Variants in PHACTR1 observed in about 807,000 individuals in gnomAD.
PHACTR1 encodes RPEL repeat containing 1.
A neutral mutation model predicts 69.2 loss-of-function variants in PHACTR1; 16 were observed. The observed-to-expected ratio is 0.23, with a 90% CI of 0.16 to 0.35. The LOEUF (loss-of-function observed/expected upper bound fraction) is 0.35. Ranked by LOEUF, PHACTR1 falls within the 10% of genes least tolerant of loss-of-function variation. The pLI is 1.00. For missense variants in PHACTR1, 510 were observed against 734.7 expected, an observed-to-expected ratio of 0.69 and a Z score of 3.54; for synonymous variants, 312 against 284.5, an observed-to-expected ratio of 1.10 and a Z score of -0.97.
chr6:12,983,306 G>C (rs911880724), intron 4 of PHACTR1, among the ~76,000 whole-genome samples: 3 of 152,174 alleles, frequency 2.0e-5, no homozygotes, highest in African/African-American at 7.2e-5. Context: ...AGCAAAATCT[G>C]ATTGTAATTT....
At chr6:12,878,181 G>A (rs1442583527) in intron 4 of PHACTR1, among the ~76,000 whole-genome samples, 2 of 152,210 alleles carry the variant, frequency 1.3e-5, no homozygotes, top group African/African-American at 4.8e-5. Flanking sequence ...AAACATTAGA[G>A]CAGCCAAGAA....
At chr6:13,025,671 T>TTGTGTGTGTGTGTGTGTGTG (rs60800778) in intron 4 of PHACTR1, among the ~76,000 whole-genome samples, 9 of 140,316 alleles carry the variant, frequency 6.4e-5, no homozygotes, top group African/African-American at 2.4e-4. Flanking sequence ...CATATATTAT[T>TTGTGTGTGTGTGTGTGTGTG]TGTGTGTGTG....
chr6:12,731,976 C>CT lies in PHACTR1; in HGVS notation c.103+13144dup, dbSNP rs70987093. Among the ~76,000 whole-genome samples the CT allele has an allele frequency of 4.6e-3, 649 of 141,890 alleles. 7 individuals carry two copies. Among genetic ancestry groups the CT allele is most frequent in the African/African-American group, 0.012 (475 of 38,846 alleles). The allele number at this position is 141,890 out of a possible 152,430, so 93.1% of individuals were successfully genotyped here. On this transcript the variant is annotated intron_variant, in intron 3 of 14. Transcript: ENST00000332995. ...TCAACTTCTTAAAGGAAAGTTTTAC[C>CT]TTTTTTTTTTTTTTTATTTGGGAAA...
intron 5 of PHACTR1, among the ~76,000 whole-genome samples, chr6:13,138,505 T>C (rs1313371427): frequency 6.6e-6 from 1 of 152,258 alleles, no homozygotes; most frequent in Non-Finnish European, 1.5e-5. Flanking sequence ...CCTAGGGACA[T>C]GGCTTTGAGC....
intron 4 of PHACTR1, among the ~76,000 whole-genome samples, chr6:12,918,468 C>A (rs1787261542): frequency 6.6e-6 from 1 of 152,214 alleles, no homozygotes; most frequent in Non-Finnish European, 1.5e-5. Flanking sequence ...CACACATTGG[C>A]AGCGCATTTA....
chr6:13,085,474 T>C (rs1812122311), intron 5 of PHACTR1, among the ~76,000 whole-genome samples: 1 of 152,106 alleles, frequency 6.6e-6, no homozygotes, highest in Admixed American at 6.6e-5. Context: ...ATCAAATATA[T>C]TTTCAGGCAA....
chr6:12,786,219 C>T (rs1771526952), intron 4 of PHACTR1, among the ~76,000 whole-genome samples: 1 of 152,132 alleles, frequency 6.6e-6, no homozygotes, highest in South Asian at 2.1e-4. Flanking sequence ...GTTTCTCATG[C>T]TACTCATGAA....
chr6:12,878,202 G>A (rs556483684), intron 4 of PHACTR1, among the ~76,000 whole-genome samples: 3 of 152,158 alleles, frequency 2.0e-5, no homozygotes, highest in Non-Finnish European at 4.4e-5. Flanking sequence ...CCTTACAGGG[G>A]CTCTTAGCTG....
chr6:12,924,004 A>T (rs1055138629), intron 4 of PHACTR1, among the ~76,000 whole-genome samples: 1 of 152,238 alleles, frequency 6.6e-6, no homozygotes, highest in African/African-American at 2.4e-5. Context: ...TCTAAAGTAA[A>T]CTGAATATCA....
At chr6:12,815,625 G>A (rs1448062915) in intron 4 of PHACTR1, among the ~76,000 whole-genome samples, 1 of 152,168 alleles carries the variant, frequency 6.6e-6, no homozygotes, top group Admixed American at 6.5e-5. Flanking sequence ...CCCAAATTAA[G>A]TCACATTTGT....
At chr6:12,725,480 G>A (rs548606430) in intron 3 of PHACTR1, among the ~76,000 whole-genome samples, 12 of 152,186 alleles carry the variant, frequency 7.9e-5, no homozygotes, top group African/African-American at 1.9e-4. Flanking sequence ...AGCTGTTCAC[G>A]CCTACACTAC....
At chr6:12,972,507 G>A (rs75379680) in intron 4 of PHACTR1, among the ~76,000 whole-genome samples, 2,867 of 152,250 alleles carry the variant, frequency 0.019, 34 homozygotes, top group Middle Eastern at 0.034. Context: ...CAAGGTATAG[G>A]CATAGCTGGA....
intron 3 of PHACTR1, among the ~76,000 whole-genome samples, chr6:12,721,258 C>T (rs1425160936): frequency 6.6e-6 from 1 of 152,008 alleles, no homozygotes; most frequent in African/African-American, 2.4e-5. Flanking sequence ...CAGTGGCATG[C>T]CTGTAATCCC....
chr6:12,981,288 T>C (rs1004360333), intron 4 of PHACTR1, among the ~76,000 whole-genome samples: 1 of 152,212 alleles, frequency 6.6e-6, no homozygotes, highest in Admixed American at 6.5e-5. Context: ...GACAGTAGCA[T>C]AAAAACTGTT....
At chr6:13,152,195 G>A (rs371098346) in intron 5 of PHACTR1, among the ~76,000 whole-genome samples, 4 of 152,048 alleles carry the variant, frequency 2.6e-5, no homozygotes, top group East Asian at 1.9e-4. Context: ...TTAGCCAGGC[G>A]TGGTGGTGGG....
chr6:13,200,218 C>CT (rs35273566), intron 7 of PHACTR1, among the ~76,000 whole-genome samples: 31,716 of 149,446 alleles, frequency 0.21, 3,892 homozygotes, highest in Non-Finnish European at 0.28. Context: ...TGGGAAGAAT[C>CT]TTTTTTTTTT....
At chr6:13,165,087 T>C (rs865991550) in intron 6 of PHACTR1, among the ~76,000 whole-genome samples, 1 of 152,188 alleles carries the variant, frequency 6.6e-6, no homozygotes, top group Non-Finnish European at 1.5e-5. Context: ...CAGCACACTT[T>C]GAAAACCACA....
At chr6:13,144,454 A>G (rs1056272692) in intron 5 of PHACTR1, among the ~76,000 whole-genome samples, 2 of 152,200 alleles carry the variant, frequency 1.3e-5, no homozygotes, top group African/African-American at 4.8e-5. Context: ...TAGTCACATA[A>G]AAATAAAATG....
At chr6:12,903,930 C>T (rs1404139364) in intron 4 of PHACTR1, among the ~76,000 whole-genome samples, 1 of 152,096 alleles carries the variant, frequency 6.6e-6, no homozygotes, top group Non-Finnish European at 1.5e-5. Context: ...AATTTAGCAT[C>T]TTATTAAGGA....
Sources: allele counts gnomAD v4.1 joint callset (sites outside exome capture counted in the v4.1 genomes callset), GRCh38; gene constraint gnomAD v4.1.1; transcripts MANE v1.5; gene names NCBI Gene and HGNC (gene_info 2026-07-23, HGNC 2026-07-21).